DOCK5: variants seen among roughly 807,000 people sequenced by gnomAD.
The protein encoded by DOCK5 is dedicator of cytokinesis protein 5.
A neutral mutation model predicts 251.8 loss-of-function variants in DOCK5; 142 were observed. The observed-to-expected ratio is 0.56, with a 90% CI of 0.49 to 0.65. The LOEUF (loss-of-function observed/expected upper bound fraction) is 0.65. Ranked by LOEUF, DOCK5 falls within the 30% of genes least tolerant of loss-of-function variation. DOCK5 has a pLI of 0.00. For synonymous variants in DOCK5, 842 were observed against 835.5 expected (o/e 1.01, Z -0.13); for missense variants, 2,111 against 2,312.3 (o/e 0.91, Z 1.79).
rs1167783252 is a variant in DOCK5 at position 25,413,633 on chromosome 8, C to T, written c.*2335C>T. 1 of 152,338 alleles carries T rather than the reference C, an allele frequency of 6.6e-6. No homozygotes were observed. The highest frequency in any genetic ancestry group is 6.5e-5 in the Admixed American group (1 of 15,306). 9.4% of individuals were successfully genotyped at this position (152,338 alleles called of 1,614,324 possible). On this transcript the variant is annotated 3_prime_UTR_variant, in exon 52 of 52. Transcript: ENST00000276440. The stretch of plus-strand genomic sequence containing the variant: ...AAACCAAACCTCAAGGCTATCCTTC[C>T]AGAGCAGTAGAAATGAGTCCCACAG...
At chr8:25,346,003 C>T (rs1396449722) in intron 26 of DOCK5, among the ~76,000 whole-genome samples, 2 of 152,188 alleles carry the variant, frequency 1.3e-5, no homozygotes, top group Admixed American at 6.5e-5. Flanking sequence ...GCGCCCGCCA[C>T]CACGCCCGGC....
intron 24 of DOCK5, 46 bp downstream of exon 24, chr8:25,341,855 GCTCCC>G: frequency 6.8e-7 from 1 of 1,473,868 alleles, no homozygotes; most frequent in Non-Finnish European, 9.3e-7. Flanking sequence ...AACAGAAACA[GCTCCC>G]CTGCTTGGCT....
At chr8:25,383,854 CAAAAAT>C (rs1461426215) in intron 40 of DOCK5, among the ~76,000 whole-genome samples, 1 of 152,018 alleles carries the variant, frequency 6.6e-6, no homozygotes, top group African/African-American at 2.4e-5. Flanking sequence ...GACTCCATCT[CAAAAAT>C]AAATAAATAA....
chr8:25,380,532 A>C, intron 39 of DOCK5, 138 bp downstream of exon 39: 1 of 702,784 alleles, frequency 1.4e-6, no homozygotes, highest in Non-Finnish European at 2.4e-6. Context: ...TGAAATGAGA[A>C]TGAAAAAAGA....
chr8:25,298,465 A>T (rs1026090406), intron 7 of DOCK5, among the ~76,000 whole-genome samples: 3 of 152,226 alleles, frequency 2.0e-5, no homozygotes, highest in African/African-American at 7.2e-5. Context: ...CAAGGCCCTG[A>T]ACAGGACAGT....
In DOCK5 at chr8:25,407,976, C is replaced by A; in HGVS notation, c.5094-7C>A. 6.2e-7 allele frequency: 1 copy of A among 1,608,652 alleles called. No individual in the cohort carries two copies. The highest frequency in any genetic ancestry group is 8.5e-7 in the Non-Finnish European group (1 of 1,177,698). ...TTGTGATGTTTGTCCTTGTTCCTGG[C>A]CAATAGCTCAATCTTGGAGCCACTT... is the stretch of plus-strand genomic sequence containing the variant. On this transcript the variant is annotated splice_polypyrimidine_tract_variant and splice_region_variant and intron_variant, in intron 48 of 51. Coordinates refer to ENST00000276440, the MANE Select transcript of DOCK5 (RefSeq NM_024940.8).
intron 22 of DOCK5, 70 bp from the exon 23 acceptor site, chr8:25,340,807 G>A: frequency 1.6e-6 from 2 of 1,226,682 alleles, no homozygotes; most frequent in Non-Finnish European, 1.2e-6. Context: ...AGTGAGGGAG[G>A]CAACAAATCT....
chr8:25,256,951 G>T (rs1175114894), intron 2 of DOCK5, among the ~76,000 whole-genome samples: 1 of 151,744 alleles, frequency 6.6e-6, no homozygotes, highest in Non-Finnish European at 1.5e-5. Flanking sequence ...CTTGGAGTAG[G>T]GAAGTTATGC....
intron 1 of DOCK5, among the ~76,000 whole-genome samples, chr8:25,195,196 C>T (rs563985318): frequency 3.4e-4 from 51 of 150,446 alleles, no homozygotes; most frequent in African/African-American, 1.2e-3. Flanking sequence ...GCTGGGATTA[C>T]AGGAATGAGT....
chr8:25,243,955 C>G (rs1236727106), intron 2 of DOCK5, among the ~76,000 whole-genome samples, 198 bp downstream of exon 2: 1 of 152,334 alleles, frequency 6.6e-6, no homozygotes, highest in Non-Finnish European at 1.5e-5. Flanking sequence ...TGAGCACAAA[C>G]TTGCACAGAC....
At chr8:25,301,857 T>G (rs1804773970) in intron 9 of DOCK5, among the ~76,000 whole-genome samples, 1 of 152,228 alleles carries the variant, frequency 6.6e-6, no homozygotes, top group South Asian at 2.1e-4. Context: ...AGTGCCTGTC[T>G]CATAGTTGCC....
intron 1 of DOCK5, 82 bp from the exon 2 acceptor site, chr8:25,243,592 G>A (rs1803014559): frequency 3.0e-6 from 4 of 1,333,020 alleles, no homozygotes; most frequent in Non-Finnish European, 4.2e-6. Context: ...CCCTCTCAAA[G>A]TGCTGAGATT....
intron 35 of DOCK5, among the ~76,000 whole-genome samples, chr8:25,373,357 C>T (rs905999187): frequency 2.0e-5 from 3 of 152,148 alleles, no homozygotes; most frequent in African/African-American, 7.2e-5. Flanking sequence ...CACCCGAGCA[C>T]TGTACCCAAA....
chr8:25,214,703 A>C (rs1240078505), intron 1 of DOCK5, among the ~76,000 whole-genome samples: 3 of 152,156 alleles, frequency 2.0e-5, no homozygotes, highest in South Asian at 4.1e-4. Context: ...GAATAGTCTT[A>C]TCGATTCAGC....
intron 2 of DOCK5, 31 bp downstream of exon 2, chr8:25,243,788 G>A: frequency 6.2e-7 from 1 of 1,603,722 alleles, no homozygotes; most frequent in Non-Finnish European, 8.5e-7. Flanking sequence ...GCCAGATGAG[G>A]GCAAGGGAAA....
chr8:25,366,479 T>C (rs1231272117), intron 30 of DOCK5, among the ~76,000 whole-genome samples: 2 of 152,194 alleles, frequency 1.3e-5, no homozygotes, highest in Admixed American at 6.5e-5. Context: ...AGAGTGAGAC[T>C]CTGGATCAAA....
intron 40 of DOCK5, among the ~76,000 whole-genome samples, chr8:25,386,056 A>AT (rs1801159515): frequency 6.6e-6 from 1 of 152,214 alleles, no homozygotes; most frequent in African/African-American, 2.4e-5. Context: ...TTGGTACCAG[A>AT]TAGCAGAGGG....
intron 1 of DOCK5, among the ~76,000 whole-genome samples, chr8:25,198,802 C>G (rs1235743022): frequency 6.6e-6 from 1 of 152,176 alleles, no homozygotes; most frequent in Non-Finnish European, 1.5e-5. Flanking sequence ...GTCTATCTTT[C>G]TCCTTACTTA....
At chr8:25,316,953 A>C (rs917493778) in intron 13 of DOCK5, 54 bp from the exon 14 acceptor site, 1 of 1,602,748 alleles carries the variant, frequency 6.2e-7, no homozygotes, top group Non-Finnish European at 8.5e-7. Flanking sequence ...TGACATTCTG[A>C]AACTTAGAAT....
Sources: gnomAD v4.1 joint callset for allele counts (sites outside exome capture counted in the v4.1 genomes callset) on GRCh38, gnomAD v4.1.1 for gene constraint, MANE v1.5 for transcripts, NCBI Gene and HGNC (gene_info 2026-07-23, HGNC 2026-07-21) for gene names.